ERICH6: variants seen among roughly 807,000 people sequenced by gnomAD.
ERICH6 encodes glutamate rich 6.
In ERICH6, 71 loss-of-function variants were observed where a neutral mutation model predicts 71.0. The observed-to-expected ratio is 1.00, with a 90% CI of 0.83 to 1.22. The LOEUF is 1.22. ERICH6 is among the 50% of genes most tolerant of loss of function. ERICH6 has a pLI of 0.00. For synonymous variants in ERICH6, 262 were observed against 278.4 expected (o/e 0.94, Z 0.59); for missense variants, 808 against 797.2 (o/e 1.01, Z -0.16).
chr3:150,685,267 A>G (rs1321486104), intron 6 of ERICH6, among the ~76,000 whole-genome samples: 2 of 152,214 alleles, frequency 1.3e-5, no homozygotes, highest in African/African-American at 4.8e-5. Context: ...TAATCAAGTT[A>G]AGATGAGGTC....
At chr3:150,663,356 G>A (rs1209322882) in intron 13 of ERICH6, among the ~76,000 whole-genome samples, 1 of 152,200 alleles carries the variant, frequency 6.6e-6, no homozygotes, top group African/African-American at 2.4e-5. Flanking sequence ...AACTACTCCC[G>A]AGTTTTTGTC....
intron 11 of ERICH6, among the ~76,000 whole-genome samples, chr3:150,670,134 ATC>A (rs1711497973): frequency 6.6e-6 from 1 of 152,188 alleles, no homozygotes; most frequent in Non-Finnish European, 1.5e-5. Flanking sequence ...TCTTCCTAAG[ATC>A]AGAAACTAAA....
At position 150,672,264 on chromosome 3, in the gene ERICH6, C is replaced by CATATATATATATATGTATATATAT. The variant is rs1553752940; in HGVS notation, c.1343+1691_1343+1692insATATATATACATATATATATATAT. ...TAAACAAAGAATCCATTTATATATA[C>CATATATATATATATGTATATATAT]ATATATATATATATGCTCATACACA... On this transcript the variant is annotated intron_variant, in intron 11 of 13. Transcript: ENST00000295910. 2.2e-4 allele frequency among the ~76,000 whole-genome samples: 27 copies of CATATATATATATATGTATATATAT among 123,612 alleles called. 1 individual carries two copies. Among genetic ancestry groups the CATATATATATATATGTATATATAT allele is most frequent in the Admixed American group, 1.6e-3 (20 of 12,340 alleles). 81.1% of individuals were successfully genotyped at this position (123,612 alleles called of 152,430 possible).
In ERICH6 at chr3:150,669,397, A is replaced by G; in HGVS notation, c.1398T>C (p.Phe466=). Residue 466 remains phenylalanine, a synonymous_variant, in exon 12 of 14, where the codon TTT becomes TTC. Coordinates refer to ENST00000295910, the MANE Select transcript of ERICH6 (RefSeq NM_152394.5). ...GCATATCTTCTTGGACTATACAAGT[A>G]AAACCATTTACCTTGTTGGGCACTC... The part of the protein sequence containing the change: ...IIRVPNKVNG[F]TCIVQEDMPT... 6.2e-7 allele frequency: 1 copy of G among 1,613,866 alleles called. No individual in the cohort carries two copies. Among genetic ancestry groups the G allele is most frequent in the Non-Finnish European group, 8.5e-7 (1 of 1,179,892 alleles).
chr3:150,665,441 C>G (rs774055997), intron 13 of ERICH6, among the ~76,000 whole-genome samples: 1 of 138,488 alleles, frequency 7.2e-6, no homozygotes, highest in South Asian at 2.4e-4. Context: ...CGCTTGAACC[C>G]GGGAGGCGGA....
rs539788084 is a variant in ERICH6 at position 150,680,513 on chromosome 3, G to T, written c.1066C>A (p.His356Asn). The T allele has an allele frequency of 6.2e-7, 1 of 1,614,132 alleles. No individual in the cohort carries two copies. The highest frequency in any genetic ancestry group is 8.5e-7 in the Non-Finnish European group (1 of 1,179,994). Residue 356 changes from histidine (H) to asparagine (N), a missense_variant, in exon 9 of 14, where the codon CAT becomes AAT. His to Asn is a moderately conservative substitution (Grantham distance 68). This residue lies in a region of ERICH6 where 736 missense variants were observed against 712.2 expected (regional missense o/e 1.03). Coordinates refer to ENST00000295910, the MANE Select transcript of ERICH6 (RefSeq NM_152394.5). ...QRKQEQRMAR[H>N]FAIISREQTH... Reference sequence around the variant, plus strand: ...TGTTCCCTTGATATTATTGCAAAATGTCTGGCCATTCGTTGCTCCTGTTTC... The same window carrying T: ...TGTTCCCTTGATATTATTGCAAAATTTCTGGCCATTCGTTGCTCCTGTTTC...
intron 3 of ERICH6, among the ~76,000 whole-genome samples, chr3:150,689,357 T>C (rs186985073): frequency 6.6e-6 from 1 of 152,342 alleles, no homozygotes; most frequent in Non-Finnish European, 1.5e-5. Flanking sequence ...ACAGTGGTTG[T>C]TGCCTCATGC....
rs753339778 is a variant in ERICH6 at position 150,673,973 on chromosome 3, A to T, written c.1326T>A (p.Asp442Glu). 1.9e-6 allele frequency: 3 copies of T among 1,613,978 alleles called. No homozygotes were observed. Among genetic ancestry groups the T allele is most frequent in the Admixed American group, 3.3e-5 (2 of 59,990 alleles). Reference sequence around the variant, plus strand: ...GAGGATACAATATTTGTGTTGTCCCATCTGGAAATGAAGTCAGAAACTTGC... The same window carrying T: ...GAGGATACAATATTTGTGTTGTCCCTTCTGGAAATGAAGTCAGAAACTTGC... ...HGSKFLTSFP[D>E]GTTQIFYPSG... Residue 442 changes from aspartate (D) to glutamate (E), a missense_variant, in exon 11 of 14, where the codon GAT becomes GAA. Asp to Glu is a conservative substitution (Grantham distance 45, BLOSUM62 2). Coordinates refer to ENST00000295910, the MANE Select transcript of ERICH6 (RefSeq NM_152394.5).
At chr3:150,700,828 C>T (rs1394557652) in intron 2 of ERICH6, among the ~76,000 whole-genome samples, 2 of 152,142 alleles carry the variant, frequency 1.3e-5, no homozygotes, top group Admixed American at 6.5e-5. Flanking sequence ...GTGATCTGCC[C>T]ACCTCAGCCT....
intron 3 of ERICH6, among the ~76,000 whole-genome samples, chr3:150,690,634 C>CT (rs1395625843): frequency 6.6e-6 from 1 of 152,098 alleles, no homozygotes; most frequent in African/African-American, 2.4e-5. Context: ...TCAGTAAAAT[C>CT]TTTAATAAAT....
chr3:150,662,214 GT>G (rs1173167265), intron 13 of ERICH6, among the ~76,000 whole-genome samples: 1 of 152,206 alleles, frequency 6.6e-6, no homozygotes, highest in Admixed American at 6.5e-5. Flanking sequence ...GAGCGAATGA[GT>G]GAGGGGAAAG....
chr3:150,677,223 G>A (rs1711695344), intron 10 of ERICH6, among the ~76,000 whole-genome samples: 1 of 152,148 alleles, frequency 6.6e-6, no homozygotes, highest in South Asian at 2.1e-4. Flanking sequence ...GATTACAGGT[G>A]CAAGCCAGTT....
intron 6 of ERICH6, among the ~76,000 whole-genome samples, chr3:150,683,467 A>C (rs1712051044): frequency 6.6e-6 from 1 of 152,156 alleles, no homozygotes; most frequent in East Asian, 1.9e-4. Context: ...GAGATACTTC[A>C]AAAGACCATG....
In ERICH6 at chr3:150,669,420, C is replaced by A; in HGVS notation, c.1375G>T (p.Val459Leu). ...GTAAAACCATTTACCTTGTTGGGCA[C>A]TCGAATGATGGCTAGGTTTCCAGAT... ...YPSGNLAIIR[V>L]PNKVNGFTCI... The change falls in exon 12 of 14, where the codon GTG becomes TTG. Residue 459 changes from valine (V) to leucine (L), a missense_variant. By Grantham distance (32) the Val-to-Leu change is conservative. This residue lies in a region of ERICH6 where 736 missense variants were observed against 712.2 expected (regional missense o/e 1.03). Coordinates refer to ENST00000295910, the MANE Select transcript of ERICH6 (RefSeq NM_152394.5). 1.2e-6 allele frequency: 2 copies of A among 1,613,544 alleles called. No homozygotes were observed. Among genetic ancestry groups the A allele is most frequent in the Admixed American group, 1.7e-5 (1 of 59,904 alleles).
chr3:150,693,088 C>T (rs749127412), intron 3 of ERICH6, among the ~76,000 whole-genome samples: 14 of 152,130 alleles, frequency 9.2e-5, no homozygotes, highest in South Asian at 8.3e-4. Flanking sequence ...AAGCTATTTA[C>T]AGCTTTTAAC....
At chr3:150,663,749 A>G (rs1363701185) in intron 13 of ERICH6, among the ~76,000 whole-genome samples, 1 of 152,126 alleles carries the variant, frequency 6.6e-6, no homozygotes, top group South Asian at 2.1e-4. Flanking sequence ...AAGTGCTGGG[A>G]TTACAGGCAT....
At chr3:150,674,291 T>C (rs977016675) in intron 10 of ERICH6, among the ~76,000 whole-genome samples, 3 of 152,148 alleles carry the variant, frequency 2.0e-5, no homozygotes, top group Non-Finnish European at 4.4e-5. Context: ...TTAATTTTTT[T>C]TTTTTTTTAC....
chr3:150,662,984 T>C (rs563917937), intron 13 of ERICH6, among the ~76,000 whole-genome samples: 14 of 152,244 alleles, frequency 9.2e-5, no homozygotes, highest in Non-Finnish European at 1.8e-4. Context: ...ATGAGTGAGA[T>C]AAGATAATAC....
Position 150,681,447 on chromosome 3 carries a change from T to C in ERICH6, c.883-517A>G, listed in dbSNP as rs565664413. ...CACATTTTATTCATCCATTCATCCATTGATGGACAGTCGGGTTGTTTCTAT... is the reference window on the plus strand; with the variant it reads ...CACATTTTATTCATCCATTCATCCACTGATGGACAGTCGGGTTGTTTCTAT... On this transcript the variant is annotated intron_variant, in intron 7 of 13. Coordinates refer to ENST00000295910, the MANE Select transcript of ERICH6 (RefSeq NM_152394.5). 9.2e-5 allele frequency among the ~76,000 whole-genome samples: 14 copies of C among 152,360 alleles called. No homozygotes were observed. The South Asian group carries it at 2.5e-3, about 27-fold the overall frequency.
Sources: allele counts gnomAD v4.1 joint callset (sites outside exome capture counted in the v4.1 genomes callset), GRCh38; gene constraint gnomAD v4.1.1; regional missense constraint gnomAD v4.1.1; transcripts MANE v1.5; gene names NCBI Gene and HGNC (gene_info 2026-07-23, HGNC 2026-07-21).